The following ANKS1A variants were observed in gnomAD, a reference collection of about 807,000 sequenced individuals.
The protein encoded by ANKS1A is ankyrin repeat and sterile alpha motif domain containing 1A.
ANKS1A carries 55 observed loss-of-function variants against 120.3 expected under a neutral mutation model. The observed-to-expected ratio is 0.46, with a 90% CI of 0.37 to 0.57. The LOEUF (loss-of-function observed/expected upper bound fraction) is 0.57. Among genes scored for constraint, ANKS1A ranks in the 20% least tolerant of loss-of-function variants. The probability of loss-of-function intolerance (pLI) is 0.00; values close to 1 mark genes in which losing one functional copy is unlikely to be tolerated. For missense variants in ANKS1A, 1,123 were observed against 1,480.3 expected (o/e 0.76, Z 3.96); for synonymous variants, 590 against 604.7 (o/e 0.98, Z 0.36).
Position 35,089,882 on chromosome 6 carries a change from C to G in ANKS1A, c.*1273C>G. On this transcript the variant is annotated 3_prime_UTR_variant, in exon 24 of 24. Transcript: ENST00000360359. ...GCACTTTAGCAGGCTCCGAGCTTTC[C>G]TGGCATAGGTCAATCAGGTCCCAGG... is the stretch of plus-strand genomic sequence containing the variant. 2 of 1,104,788 alleles carry G rather than the reference C, an allele frequency of 1.8e-6. No individual in the cohort carries two copies. Among genetic ancestry groups the G allele is most frequent in the Non-Finnish European group, 2.2e-6 (2 of 898,878 alleles). The allele number at this position is 1,104,788 out of a possible 1,614,324, so 68.4% of individuals were successfully genotyped here. A position where few individuals can be genotyped will look rare whatever the true frequency, so the allele number is the denominator to read the frequency against.
chr6:34,923,704 G>T (rs909466097), intron 1 of ANKS1A, among the ~76,000 whole-genome samples: 3 of 152,196 alleles, frequency 2.0e-5, no homozygotes, highest in Admixed American at 1.3e-4. Flanking sequence ...AGCAGGTTAT[G>T]GGGGAGATAG....
At chr6:34,952,919 A>G (rs1231966410) in intron 1 of ANKS1A, among the ~76,000 whole-genome samples, 2 of 152,172 alleles carry the variant, frequency 1.3e-5, no homozygotes, top group African/African-American at 4.8e-5. Flanking sequence ...CATGTTGGCC[A>G]GGCTGGTCTC....
intron 8 of ANKS1A, among the ~76,000 whole-genome samples, chr6:34,988,242 G>A (rs934836203): frequency 6.6e-6 from 1 of 152,184 alleles, no homozygotes; most frequent in Admixed American, 6.5e-5. Flanking sequence ...TGGCAGAATT[G>A]ACTGCAAAGC....
At chr6:35,051,060 G>A (rs978134291) in intron 11 of ANKS1A, among the ~76,000 whole-genome samples, 5 of 152,156 alleles carry the variant, frequency 3.3e-5, no homozygotes, top group African/African-American at 1.2e-4. Context: ...GGGTTTCTGG[G>A]TCAGGCACCT....
chr6:34,893,869 A>C (rs1361020863), intron 1 of ANKS1A, among the ~76,000 whole-genome samples: 1 of 152,190 alleles, frequency 6.6e-6, no homozygotes, highest in Non-Finnish European at 1.5e-5. Context: ...GTTTATTATG[A>C]CTGTTAGCCA....
At position 35,036,142 on chromosome 6, in the gene ANKS1A, T is replaced by C. The variant is rs185752379; in HGVS notation, c.2011-17957T>C. Among the ~76,000 whole-genome samples the C allele has an allele frequency of 2.0e-4, 30 of 152,338 alleles. No homozygotes were observed. In the East Asian group the frequency reaches 5.4e-3, roughly 27 times the overall value. On this transcript the variant is annotated intron_variant, in intron 11 of 23. Transcript: ENST00000360359. ...ATTCTTTGATTGGTGTTGGGCATAG[T>C]ACTAACTTACCTTGGCAGCACCTTT...
intron 1 of ANKS1A, among the ~76,000 whole-genome samples, chr6:34,897,299 T>C (rs2127444339): frequency 6.6e-6 from 1 of 152,310 alleles, no homozygotes; most frequent in East Asian, 1.9e-4. Flanking sequence ...ATGGTCCCAG[T>C]GAAAGTTACA....
intron 9 of ANKS1A, among the ~76,000 whole-genome samples, chr6:34,989,952 C>G (rs912365901): frequency 3.3e-5 from 5 of 152,186 alleles, no homozygotes; most frequent in Non-Finnish European, 5.9e-5. Context: ...AATCTTTCAT[C>G]TTCAAAATGC....
At chr6:34,899,646 A>G (rs1767251738) in intron 1 of ANKS1A, among the ~76,000 whole-genome samples, 1 of 152,242 alleles carries the variant, frequency 6.6e-6, no homozygotes, top group Admixed American at 6.5e-5. Context: ...AGATTACAAA[A>G]CAAATCAGTT....
intron 1 of ANKS1A, among the ~76,000 whole-genome samples, chr6:34,928,690 G>C (rs1294137685): frequency 6.6e-6 from 1 of 152,184 alleles, no homozygotes; most frequent in Non-Finnish European, 1.5e-5. Context: ...AGTTAAGTTT[G>C]CCTGGAGTTG....
intron 13 of ANKS1A, among the ~76,000 whole-genome samples, chr6:35,063,950 G>A (rs1029148862): frequency 3.3e-5 from 5 of 152,196 alleles, no homozygotes; most frequent in African/African-American, 1.2e-4. Context: ...CAGGGGTTTC[G>A]TAGAGATGGT....
intron 1 of ANKS1A, among the ~76,000 whole-genome samples, chr6:34,901,646 G>A (rs1190826222): frequency 6.6e-6 from 1 of 152,190 alleles, no homozygotes; most frequent in Non-Finnish European, 1.5e-5. Flanking sequence ...GAGTAGCTGG[G>A]ACTACAGGCT....
chr6:34,948,195 C>T (rs1229391925), intron 1 of ANKS1A, among the ~76,000 whole-genome samples: 1 of 150,916 alleles, frequency 6.6e-6, no homozygotes, highest in African/African-American at 2.4e-5. Flanking sequence ...CTTTGTTCAG[C>T]CATTTTCAGT....
chr6:34,989,018 C>T (rs985549204), intron 8 of ANKS1A, among the ~76,000 whole-genome samples: 8 of 152,120 alleles, frequency 5.3e-5, no homozygotes, highest in Non-Finnish European at 1.2e-4. Context: ...CTGCTACAGA[C>T]ATCAAAAACC....
chr6:34,931,458 T>C (rs1362485890), intron 1 of ANKS1A, among the ~76,000 whole-genome samples: 1 of 152,164 alleles, frequency 6.6e-6, no homozygotes, highest in East Asian at 1.9e-4. Context: ...TAAGGCTGTT[T>C]TCAATATTGG....
intron 10 of ANKS1A, among the ~76,000 whole-genome samples, chr6:35,016,922 T>C (rs1774038933): frequency 1.4e-5 from 2 of 147,944 alleles, no homozygotes; most frequent in South Asian, 2.2e-4. Context: ...TTGCAGGTTG[T>C]GGATCATGAC....
At chr6:34,890,816 C>T (rs1349909231) in intron 1 of ANKS1A, among the ~76,000 whole-genome samples, 1 of 152,162 alleles carries the variant, frequency 6.6e-6, no homozygotes, top group Non-Finnish European at 1.5e-5. Flanking sequence ...GAAATGCCTT[C>T]GTTAGCTTTT....
chr6:34,945,497 C>T (rs986603546), intron 1 of ANKS1A, among the ~76,000 whole-genome samples: 4 of 152,190 alleles, frequency 2.6e-5, no homozygotes, highest in Admixed American at 6.5e-5. Flanking sequence ...CTTATCTCCA[C>T]TGAATTGGCC....
chr6:34,954,553 C>T (rs566844712), intron 1 of ANKS1A, among the ~76,000 whole-genome samples: 9 of 152,338 alleles, frequency 5.9e-5, no homozygotes, highest in South Asian at 2.1e-4. Flanking sequence ...CCAAGTTTCT[C>T]GTGTGACTTG....
Sources: allele counts gnomAD v4.1 joint callset (sites outside exome capture counted in the v4.1 genomes callset), GRCh38; gene constraint gnomAD v4.1.1; transcripts MANE v1.5; gene names NCBI Gene and HGNC (gene_info 2026-07-23, HGNC 2026-07-21).